NIPA2: variants seen among roughly 807,000 people sequenced by gnomAD.
NIPA2 encodes magnesium transporter NIPA2.
NIPA2 carries 11 observed loss-of-function variants against 29.7 expected under a neutral mutation model. The ratio of observed to expected loss-of-function variants is 0.37; its 90% CI spans 0.23 to 0.61. The LOEUF (loss-of-function observed/expected upper bound fraction) is 0.61. Ranked by LOEUF, NIPA2 falls within the 20% of genes least tolerant of loss-of-function variation. NIPA2 has a pLI of 0.66. For synonymous variants in NIPA2, 183 were observed against 161.9 expected (o/e 1.13, Z -0.99); for missense variants, 426 against 437.9 (o/e 0.97, Z 0.24).
Position 22,860,807 on chromosome 15 carries a change from T to C in NIPA2, c.448+18T>C, listed in dbSNP as rs749657344. 5 of 1,561,948 alleles carry C rather than the reference T, an allele frequency of 3.2e-6. No homozygotes were observed. Among genetic ancestry groups the C allele is most frequent in the East Asian group, 4.6e-5 (2 of 43,590 alleles). ...TGATCCAGGTAAGAAAAAAGTCTTA[T>C]TAGTCTTACTGTATTTTACTTTTTA... On this transcript the variant is annotated intron_variant, in intron 7 of 7. Coordinates refer to ENST00000337451, the MANE Select transcript of NIPA2 (RefSeq NM_030922.7).
chr15:22,859,214 C>T (rs1048110262), intron 6 of NIPA2, among the ~76,000 whole-genome samples: 2 of 151,596 alleles, frequency 1.3e-5, no homozygotes, highest in African/African-American at 4.8e-5. Flanking sequence ...TTCAAAGTTA[C>T]ACTCATCCCA....
At chr15:22,859,821 A>C (rs1050991367) in intron 6 of NIPA2, among the ~76,000 whole-genome samples, 6 of 151,694 alleles carry the variant, frequency 4.0e-5, no homozygotes, top group African/African-American at 1.5e-4. Flanking sequence ...TTTACCCTTA[A>C]TTTTCTTTGT....
intron 3 of NIPA2, among the ~76,000 whole-genome samples, chr15:22,847,486 ACGGAGTCTTG>A (rs1899105071): frequency 6.7e-6 from 1 of 150,232 alleles, no homozygotes; most frequent in South Asian, 2.1e-4. Context: ...TTTTTCCGAG[ACGGAGTCTTG>A]CTCTGTCACC....
Position 22,866,712 on chromosome 15 carries a change from C to A in NIPA2, c.948C>A (p.Asp316Glu). The change falls in exon 8 of 8, where the codon GAC becomes GAA. Residue 316 changes from aspartate to glutamate, a missense_variant. Asp to Glu is a conservative substitution (Grantham distance 45). Around this residue, in one of 3 missense-constraint regions of NIPA2, gnomAD observed 357 missense variants for 339.8 expected, o/e 1.05. Transcript: ENST00000337451. ...LASLPVSFRK[D>E]EKAMNGNLSN... The stretch of plus-strand genomic sequence containing the variant: ...GTCTGCCTGTGTCTTTTCGAAAAGA[C>A]GAGAAAGCAATGAATGGCAATCTCT... The A allele has an allele frequency of 6.2e-7, 1 of 1,613,954 alleles. No homozygotes were observed. Among genetic ancestry groups the A allele is most frequent in the Non-Finnish European group, 8.5e-7 (1 of 1,179,974 alleles).
intron 3 of NIPA2, among the ~76,000 whole-genome samples, chr15:22,848,387 T>C (rs1373380922): frequency 1.3e-5 from 2 of 152,054 alleles, no homozygotes; most frequent in African/African-American, 4.8e-5. Flanking sequence ...TTCTGTGTAT[T>C]AATGGCTGCT....
rs958725351 is a variant in NIPA2, at chr15:22,867,977, A to AAAGT, written c.*1132_*1135dup. The AAAGT allele has an allele frequency of 2.4e-4, 36 of 152,366 alleles. No individual in the cohort carries two copies. The highest frequency in any genetic ancestry group is 8.4e-4 in the African/African-American group (35 of 41,586). 9.4% of individuals were successfully genotyped at this position (152,366 alleles called of 1,614,324 possible). A position where few individuals can be genotyped will look rare whatever the true frequency, so the allele number is the denominator to read the frequency against. ...ATAACCATTGACTGGCCTTTAAAAAAAAGTATTGGCAGAATTAATTTCCAC... is the reference window on the plus strand; with the variant it reads ...ATAACCATTGACTGGCCTTTAAAAAAAAGTAAGTATTGGCAGAATTAATTTCCAC... On this transcript the variant is annotated 3_prime_UTR_variant, in exon 8 of 8. Coordinates refer to ENST00000337451, the MANE Select transcript of NIPA2 (RefSeq NM_030922.7).
intron 6 of NIPA2, among the ~76,000 whole-genome samples, chr15:22,858,949 G>A (rs1033901176): frequency 3.3e-5 from 5 of 152,134 alleles, no homozygotes; most frequent in African/African-American, 1.2e-4. Context: ...AGGCCAAGAC[G>A]GGTGGATCAC....
At chr15:22,842,946 T>C (rs1897507040) in intron 2 of NIPA2, among the ~76,000 whole-genome samples, 1 of 149,690 alleles carries the variant, frequency 6.7e-6, no homozygotes. Flanking sequence ...GAGCTTGCAG[T>C]GAGCAGAGAT....
intron 2 of NIPA2, among the ~76,000 whole-genome samples, chr15:22,843,392 G>C (rs1282394195): frequency 6.6e-6 from 1 of 151,408 alleles, no homozygotes; most frequent in Non-Finnish European, 1.5e-5. Context: ...TGTAGTCCCA[G>C]CTACTCAGGA....
At chr15:22,842,960 G>A (rs575675016) in intron 2 of NIPA2, among the ~76,000 whole-genome samples, 19 of 151,198 alleles carry the variant, frequency 1.3e-4, no homozygotes, top group South Asian at 1.0e-3. Flanking sequence ...CAGAGATTGC[G>A]TCACTGCACT....
intron 3 of NIPA2, among the ~76,000 whole-genome samples, chr15:22,851,360 T>C (rs1566836223): frequency 6.6e-6 from 1 of 152,180 alleles, no homozygotes; most frequent in Non-Finnish European, 1.5e-5. Flanking sequence ...TTTTTTCTTA[T>C]CAGAAAGTTT....
chr15:22,860,878 GA>G, intron 7 of NIPA2, 89 bp downstream of exon 7: 2 of 940,610 alleles, frequency 2.1e-6, no homozygotes, highest in Non-Finnish European at 3.2e-6. Context: ...CATAAGGAAA[GA>G]AATTGTTCCA....
chr15:22,858,509 C>G, intron 5 of NIPA2, 31 bp from the exon 6 acceptor site: 5 of 1,492,914 alleles, frequency 3.3e-6, no homozygotes, highest in Non-Finnish European at 4.6e-6. Context: ...ACATTCTTAC[C>G]TGAGTTTTTC....
chr15:22,849,778 T>TG, intron 3 of NIPA2, among the ~76,000 whole-genome samples: 1 of 152,060 alleles, frequency 6.6e-6, no homozygotes, highest in East Asian at 1.9e-4. Context: ...TTAGCCAGGA[T>TG]GACTCGATCT....
intron 7 of NIPA2, among the ~76,000 whole-genome samples, chr15:22,862,837 T>A (rs1165598737): frequency 6.6e-6 from 1 of 151,930 alleles, no homozygotes; most frequent in Non-Finnish European, 1.5e-5. Context: ...TAGCTCACCT[T>A]CACCCTGAAG....
At chr15:22,858,782 G>C (rs1176569562) in intron 6 of NIPA2, 152 bp downstream of exon 6, 2 of 461,288 alleles carry the variant, frequency 4.3e-6, no homozygotes, top group Non-Finnish European at 7.8e-6. Flanking sequence ...CTTTTAAAAA[G>C]TTACTTCTGT....
intron 7 of NIPA2, among the ~76,000 whole-genome samples, chr15:22,861,837 C>T (rs775722457): frequency 1.3e-5 from 2 of 152,026 alleles, no homozygotes; most frequent in Non-Finnish European, 2.9e-5. Flanking sequence ...CCAGCCCAAG[C>T]GATTCTCCCA....
At position 22,867,771 on chromosome 15, in the gene NIPA2, A is replaced by C. The variant is rs560480608; in HGVS notation, c.*924A>C. ...CTTAGAACAAACTTAACATGTTTAT[A>C]GAATATGGTCTCTTTGTACCAAGTA... On this transcript the variant is annotated 3_prime_UTR_variant, in exon 8 of 8. Coordinates refer to ENST00000337451, the MANE Select transcript of NIPA2 (RefSeq NM_030922.7). The C allele has an allele frequency of 5.9e-5, 9 of 152,366 alleles. No homozygotes were observed. Among genetic ancestry groups the C allele is most frequent in the African/African-American group, 1.9e-4 (8 of 41,578 alleles). 9.4% of individuals were successfully genotyped at this position (152,366 alleles called of 1,614,324 possible).
At position 22,867,154 on chromosome 15, in the gene NIPA2, T is replaced by C; in HGVS notation, c.*307T>C. The C allele has an allele frequency of 2.2e-6, 1 of 447,480 alleles. No homozygotes were observed. Among genetic ancestry groups the C allele is most frequent in the Non-Finnish European group, 3.9e-6 (1 of 256,040 alleles). 27.7% of individuals were successfully genotyped at this position (447,480 alleles called of 1,614,324 possible). On this transcript the variant is annotated 3_prime_UTR_variant, in exon 8 of 8. Coordinates refer to ENST00000337451, the MANE Select transcript of NIPA2 (RefSeq NM_030922.7). Reference sequence around the variant, plus strand: ...GTTTTAAGTCTATGAAAATGCTTTATTTTTTCATTGGTGATGAAAGTCTGA... The same window carrying C: ...GTTTTAAGTCTATGAAAATGCTTTACTTTTTCATTGGTGATGAAAGTCTGA...
Sources: allele counts gnomAD v4.1 joint callset (sites outside exome capture counted in the v4.1 genomes callset), GRCh38; gene constraint gnomAD v4.1.1; regional missense constraint gnomAD v4.1.1; transcripts MANE v1.5; gene names NCBI Gene and HGNC (gene_info 2026-07-23, HGNC 2026-07-21).